Variants in MYOM2 observed in about 807,000 individuals in gnomAD.
MYOM2 encodes the protein myomesin-2.
In MYOM2, 254 loss-of-function variants were observed where a neutral mutation model predicts 187.6. That is an observed-to-expected ratio of 1.35 (90% CI 1.22 to 1.50). The LOEUF (loss-of-function observed/expected upper bound fraction) is 1.50, where lower values mean the gene tolerates loss of function less well. Ranked by LOEUF, MYOM2 falls within the 40% of genes most tolerant of loss-of-function variation. The pLI is 0.00. For synonymous variants in MYOM2, 981 were observed against 753.8 expected, an observed-to-expected ratio of 1.30 and a Z score of -4.94; for missense variants, 2,796 against 1,924.0, an observed-to-expected ratio of 1.45 and a Z score of -8.48.
chr8:2,140,331 C>T (rs7003986), intron 32 of MYOM2, among the ~76,000 whole-genome samples: 19,725 of 151,820 alleles, frequency 0.13, 2,260 homozygotes, highest in African/African-American at 0.3. Flanking sequence ...AACGATACTA[C>T]GAAGGATGTA....
intron 6 of MYOM2, among the ~76,000 whole-genome samples, chr8:2,060,365 A>G (rs376735554): frequency 1.3e-5 from 2 of 152,154 alleles, no homozygotes; most frequent in East Asian, 3.9e-4. Flanking sequence ...CTATAGGACT[A>G]AAAGAGTTAC....
In MYOM2 at chr8:2,052,465, C is replaced by T. The variant is rs949855185; in HGVS notation, c.263+152C>T. On this transcript the variant is annotated intron_variant, in intron 3 of 36. Transcript: ENST00000262113. ...GGTGAGAGGGAGAATGCTGCTGTTT[C>T]CCAATCACCTGCTTCTCTTTACCAT... 6.4e-6 allele frequency: 5 copies of T among 777,246 alleles called. No homozygotes were observed. In the African/African-American group the frequency reaches 7.2e-5, roughly 11 times the overall value. 48.1% of individuals were successfully genotyped at this position (777,246 alleles called of 1,614,324 possible).
At chr8:2,099,135 G>T in intron 19 of MYOM2, 152 bp downstream of exon 19, 2 of 1,090,974 alleles carry the variant, frequency 1.8e-6, no homozygotes, top group Admixed American at 2.9e-5. Flanking sequence ...CAGGCGCCGT[G>T]CAGGGCTGTG....
intron 14 of MYOM2, 81 bp from the exon 15 acceptor site, chr8:2,089,927 C>A: frequency 1.4e-6 from 2 of 1,388,510 alleles, no homozygotes; most frequent in Non-Finnish European, 2.0e-6. Flanking sequence ...ATAGCGAGAA[C>A]AGAGCATTTC....
At chr8:2,066,576 TAAAC>T (rs1390478867) in intron 6 of MYOM2, among the ~76,000 whole-genome samples, 6 of 152,156 alleles carry the variant, frequency 3.9e-5, no homozygotes, top group Non-Finnish European at 5.9e-5. Context: ...GAGCACAAAG[TAAAC>T]AAACAAACAA....
Position 2,090,049 on chromosome 8 carries a change from G to T in MYOM2, c.1686G>T (p.Gln562His). The T allele has an allele frequency of 1.9e-6, 3 of 1,614,132 alleles. No individual in the cohort carries two copies. The highest frequency in any genetic ancestry group is 1.7e-6 in the Non-Finnish European group (2 of 1,180,028). ...GSGSWQRVNA[Q>H]TAVRSPRYAV... ...GCAGCTGGCAGAGAGTCAACGCCCA[G>T]ACGGCTGTGAGATCCCCGAGATATG... Residue 562 changes from glutamine to histidine, a missense_variant, in exon 15 of 37, where the codon CAG (glutamine) becomes CAT (histidine). Physicochemically the swap from Gln to His is conservative, Grantham distance 24 (BLOSUM62 0). Coordinates refer to ENST00000262113, the MANE Select transcript of MYOM2 (RefSeq NM_003970.4).
intron 19 of MYOM2, 103 bp from the exon 20 acceptor site, chr8:2,100,772 TG>T (rs536886769): frequency 4.6e-6 from 5 of 1,088,726 alleles, no homozygotes; most frequent in East Asian, 2.5e-5. Context: ...ATGGTCCTGG[TG>T]GGGGGCTTCC....
chr8:2,076,136 C>G lies in MYOM2; in HGVS notation c.1121-5C>G, dbSNP rs1035777494. ...GGCGTGTGCCTTTTCTCTCCCTGCC[C>G]CAAGATGCTGACCCGCTGGTCACAG... On this transcript the variant is annotated splice_region_variant and splice_polypyrimidine_tract_variant and intron_variant, in intron 10 of 36. Coordinates refer to ENST00000262113, the MANE Select transcript of MYOM2 (RefSeq NM_003970.4). 1.2e-6 allele frequency: 2 copies of G among 1,610,420 alleles called. No homozygotes were observed. The highest frequency in any genetic ancestry group is 1.7e-5 in the Admixed American group (1 of 59,772).
At position 2,144,659 on chromosome 8, in the gene MYOM2, C is replaced by G. The variant is rs1798392890; in HGVS notation, c.4081-5C>G. 4 of 1,613,126 alleles carry G rather than the reference C, an allele frequency of 2.5e-6. No individual in the cohort carries two copies. The highest frequency in any genetic ancestry group is 3.4e-6 in the Non-Finnish European group (4 of 1,179,786). ...TCCTTCTCCACCAACCTCTTCCGTC[C>G]AAAGACCTTGAATCTGACCTGCACG... On this transcript the variant is annotated splice_polypyrimidine_tract_variant and splice_region_variant and intron_variant, in intron 36 of 36. Coordinates refer to ENST00000262113, the MANE Select transcript of MYOM2 (RefSeq NM_003970.4).
At chr8:2,064,861 C>T (rs924558892) in intron 6 of MYOM2, among the ~76,000 whole-genome samples, 1 of 152,186 alleles carries the variant, frequency 6.6e-6, no homozygotes, top group African/African-American at 2.4e-5. Flanking sequence ...TTCCTGTACC[C>T]CTCCCAGCTA....
At chr8:2,054,392 C>A (rs917966444) in intron 3 of MYOM2, among the ~76,000 whole-genome samples, 1 of 152,156 alleles carries the variant, frequency 6.6e-6, no homozygotes, top group African/African-American at 2.4e-5. Context: ...CCTTCAGTCC[C>A]AGTGAAAAAT....
intron 30 of MYOM2, among the ~76,000 whole-genome samples, 199 bp from the exon 31 acceptor site, chr8:2,123,980 C>A (rs1216269171): frequency 6.6e-6 from 1 of 152,158 alleles, no homozygotes; most frequent in African/African-American, 2.4e-5. Flanking sequence ...GTAAAACGTT[C>A]TTGATCCTTT....
intron 25 of MYOM2, among the ~76,000 whole-genome samples, chr8:2,113,551 AAG>A (rs1261460643): frequency 1.3e-5 from 2 of 152,028 alleles, no homozygotes; most frequent in Non-Finnish European, 1.5e-5. Flanking sequence ...CTGTTGAAGG[AAG>A]AGAGGTGACA....
chr8:2,134,810 T>C (rs529911003), intron 32 of MYOM2, among the ~76,000 whole-genome samples: 1 of 152,182 alleles, frequency 6.6e-6, no homozygotes, highest in Non-Finnish European at 1.5e-5. Flanking sequence ...AATGCCTTAT[T>C]TTCTGGGCCC....
At chr8:2,133,765 A>C (rs1489434832) in intron 32 of MYOM2, among the ~76,000 whole-genome samples, 1 of 146,758 alleles carries the variant, frequency 6.8e-6, no homozygotes, top group African/African-American at 2.7e-5. Flanking sequence ...CTGGTCTGTC[A>C]GTCATTGATC....
chr8:2,138,661 G>A (rs1798166366), intron 32 of MYOM2, among the ~76,000 whole-genome samples: 1 of 152,150 alleles, frequency 6.6e-6, no homozygotes, highest in Non-Finnish European at 1.5e-5. Flanking sequence ...CTCCCACATC[G>A]GCAACAGGTG....
chr8:2,058,741 T>C (rs1381960825), intron 5 of MYOM2, among the ~76,000 whole-genome samples: 1 of 152,142 alleles, frequency 6.6e-6, no homozygotes, highest in Non-Finnish European at 1.5e-5. Flanking sequence ...TCCTGCCTCC[T>C]GGATGGAGCC....
At chr8:2,051,375 G>A (rs3779867) in intron 2 of MYOM2, among the ~76,000 whole-genome samples, 1 of 152,064 alleles carries the variant, frequency 6.6e-6, no homozygotes, top group South Asian at 2.1e-4. Flanking sequence ...GAAGCTTCTC[G>A]GGGATGGCCT....
rs142694372 is a variant in MYOM2 at position 2,143,143 on chromosome 8, A to C, written c.4025-258A>C. Among the ~76,000 whole-genome samples the C allele has an allele frequency of 4.7e-3, 719 of 152,186 alleles. 14 individuals carry two copies. Among genetic ancestry groups the C allele is most frequent in the East Asian group, 0.046 (235 of 5,130 alleles). On this transcript the variant is annotated intron_variant, in intron 35 of 36. Transcript: ENST00000262113. ...GGTGAATTCTTCACCCTTCAAGCCC[A>C]GTTCCCATCTCACATTTCCTCTGGA... is the stretch of plus-strand genomic sequence containing the variant.
Sources: allele counts gnomAD v4.1 joint callset (sites outside exome capture counted in the v4.1 genomes callset), GRCh38; gene constraint gnomAD v4.1.1; transcripts MANE v1.5; gene names NCBI Gene and HGNC (gene_info 2026-07-23, HGNC 2026-07-21).